The following COL4A4 variants were observed in gnomAD, a reference collection of about 807,000 sequenced individuals.
COL4A4 encodes collagen alpha-4(IV) chain.
COL4A4 carries 105 observed loss-of-function variants against 192.9 expected under a neutral mutation model. That is an observed-to-expected ratio of 0.54 (90% CI 0.46 to 0.64). The LOEUF (loss-of-function observed/expected upper bound fraction) is 0.64, where lower values mean the gene tolerates loss of function less well. Among genes scored for constraint, COL4A4 ranks in the 30% least tolerant of loss-of-function variants. The pLI, the probability that COL4A4 is intolerant of heterozygous loss-of-function variation, is 0.00. For synonymous variants in COL4A4, 762 were observed against 769.9 expected, an observed-to-expected ratio of 0.99 and a Z score of 0.17; for missense variants, 1,967 against 2,169.3, an observed-to-expected ratio of 0.91 and a Z score of 1.85.
chr2:227,131,685 C>T (rs999503147), intron 4 of COL4A4, among the ~76,000 whole-genome samples: 10 of 152,206 alleles, frequency 6.6e-5, no homozygotes, highest in East Asian at 5.8e-4. Context: ...TTGCCTTAGA[C>T]GGCAAAAGAC....
Position 227,004,650 on chromosome 2 carries a change from C to T in COL4A4, c.*2675G>A, listed in dbSNP as rs1384700245. 1 of 152,176 alleles carries T rather than the reference C, an allele frequency of 6.6e-6. No individual in the cohort carries two copies. The highest frequency in any genetic ancestry group is 1.5e-5 in the Non-Finnish European group (1 of 68,092). The allele number at this position is 152,176 out of a possible 1,614,324, so 9.4% of individuals were successfully genotyped here. A position where few individuals can be genotyped will look rare whatever the true frequency, so the allele number is the denominator to read the frequency against. On this transcript the variant is annotated 3_prime_UTR_variant, in exon 48 of 48. Coordinates refer to ENST00000396625, the MANE Select transcript of COL4A4 (RefSeq NM_000092.5). The stretch of plus-strand genomic sequence containing the variant: ...ACGGGGCTAAAGAGGAGGTAGCCAT[C>T]CAAAGCAGCGATGACTCAGCTTTCA...
intron 25 of COL4A4, among the ~76,000 whole-genome samples, chr2:227,072,070 CA>C (rs933901620): frequency 6.6e-6 from 1 of 150,706 alleles, no homozygotes; most frequent in Non-Finnish European, 1.5e-5. Context: ...AAATGCAAAC[CA>C]AAAAAATATG....
rs902315165 is a variant in COL4A4, at chr2:227,144,448, A to G, written c.114+68T>C. On this transcript the variant is annotated intron_variant, in intron 3 of 47. Transcript: ENST00000396625. ...CCCAGAGGGTGATTTCTTTGAAAGT[A>G]TAACAAAAATTATGCATTCTATAAA... 6 of 1,364,350 alleles carry G rather than the reference A, an allele frequency of 4.4e-6. No individual in the cohort carries two copies. In the South Asian group the frequency reaches 7.2e-5, roughly 16 times the overall value. 84.5% of individuals were successfully genotyped at this position (1,364,350 alleles called of 1,614,324 possible).
chr2:227,051,455 C>G (rs1974085680), intron 32 of COL4A4, among the ~76,000 whole-genome samples: 1 of 152,186 alleles, frequency 6.6e-6, no homozygotes, highest in Admixed American at 6.5e-5. Context: ...TATTTGCCCT[C>G]TAACAACTAG....
chr2:227,147,250 G>A, intron 2 of COL4A4, 163 bp downstream of exon 2: 2 of 754,446 alleles, frequency 2.7e-6, no homozygotes, highest in Non-Finnish European at 4.8e-6. Context: ...GAGGGTTGGT[G>A]TTCAATAATA....
At chr2:227,064,095 T>C (rs1419183813) in intron 25 of COL4A4, among the ~76,000 whole-genome samples, 1 of 152,182 alleles carries the variant, frequency 6.6e-6, no homozygotes, top group African/African-American at 2.4e-5. Context: ...GCTTCCATGA[T>C]TTTATGTGAC....
the COL4A4 span, among the ~76,000 whole-genome samples, chr2:226,984,131 C>T: frequency 7.2e-5 from 11 of 152,220 alleles, no homozygotes; most frequent in Non-Finnish European, 1.5e-4. Flanking sequence ...ATCTGTTCAC[C>T]GCTCTGATCA....
intron 1 of COL4A4, among the ~76,000 whole-genome samples, chr2:227,157,397 G>A (rs2064435131): frequency 6.6e-6 from 1 of 151,884 alleles, no homozygotes; most frequent in Non-Finnish European, 1.5e-5. Flanking sequence ...ACTAGGAAAA[G>A]AACAAATTAA....
intron 22 of COL4A4, 138 bp downstream of exon 22, chr2:227,088,515 C>T: frequency 8.9e-7 from 1 of 1,123,492 alleles, no homozygotes; most frequent in Middle Eastern, 2.8e-4. Context: ...GCCTCCCCAC[C>T]CATACAGAAC....
chr2:227,152,886 C>CA (rs753969962), intron 1 of COL4A4, among the ~76,000 whole-genome samples: 35 of 151,850 alleles, frequency 2.3e-4, no homozygotes, highest in South Asian at 2.1e-4. Context: ...TCACTATCAC[C>CA]AAAAAAAATT....
At chr2:227,070,377 C>T (rs1404915464) in intron 25 of COL4A4, among the ~76,000 whole-genome samples, 1 of 151,984 alleles carries the variant, frequency 6.6e-6, no homozygotes, top group Non-Finnish European at 1.5e-5. Context: ...GGGTATATAC[C>T]CAAAGGATTA....
At chr2:227,041,883 AAAGAAAG>A (rs1971453173) in intron 37 of COL4A4, among the ~76,000 whole-genome samples, 2 of 147,648 alleles carry the variant, frequency 1.4e-5, no homozygotes, top group Admixed American at 6.7e-5. Flanking sequence ...AGAAAGAAAG[AAAGAAAG>A]AAAGAAAGAA....
At chr2:227,041,864 A>AAGAAAGAGAGAGAG (rs1971406364) in intron 37 of COL4A4, among the ~76,000 whole-genome samples, 1 of 109,348 alleles carries the variant, frequency 9.1e-6, no homozygotes, top group African/African-American at 4.0e-5. Flanking sequence ...GAAAGAAAGA[A>AAGAAAGAGAGAGAG]AGAAAGAAAG....
chr2:227,085,955 C>CTTACCAACAATTGAATTGTTGGTAAGAA (rs2059581162), intron 22 of COL4A4, among the ~76,000 whole-genome samples: 3 of 152,178 alleles, frequency 2.0e-5, no homozygotes, highest in Non-Finnish European at 4.4e-5. Flanking sequence ...AAACACATGA[C>CTTACCAACAATTGAATTGTTGGTAAGAA]TCAATTGAAT....
intron 37 of COL4A4, among the ~76,000 whole-genome samples, chr2:227,034,408 G>A (rs1969110956): frequency 6.6e-6 from 1 of 152,106 alleles, no homozygotes; most frequent in Admixed American, 6.5e-5. Flanking sequence ...CCAGGGCACT[G>A]AGCCATCTGC....
chr2:227,053,753 T>TACCAGGA (rs1242398881), intron 31 of COL4A4, among the ~76,000 whole-genome samples: 2 of 152,012 alleles, frequency 1.3e-5, no homozygotes, highest in African/African-American at 4.8e-5. Context: ...TTCGCCGTGT[T>TACCAGGA]ACCAGGATGG....
intron 45 of COL4A4, among the ~76,000 whole-genome samples, 153 bp downstream of exon 45, chr2:227,012,028 C>T (rs952920655): frequency 1.3e-5 from 2 of 152,214 alleles, no homozygotes; most frequent in African/African-American, 4.8e-5. Flanking sequence ...ACTCTGTTCT[C>T]ATTGTTTCTG....
intron 12 of COL4A4, among the ~76,000 whole-genome samples, chr2:227,107,915 G>A (rs576372564): frequency 1.3e-4 from 20 of 151,850 alleles, no homozygotes; most frequent in Non-Finnish European, 2.4e-4. Flanking sequence ...GCACCACCAC[G>A]CCCAGCTAAT....
At chr2:227,112,091 T>C (rs1270956199) in intron 8 of COL4A4, among the ~76,000 whole-genome samples, 7 of 152,038 alleles carry the variant, frequency 4.6e-5, no homozygotes, top group Non-Finnish European at 8.8e-5. Context: ...TACCCTAGAG[T>C]GGACAGAAAA....
Sources: gnomAD v4.1 joint callset for allele counts (sites outside exome capture counted in the v4.1 genomes callset) on GRCh38, gnomAD v4.1.1 for gene constraint, MANE v1.5 for transcripts, NCBI Gene and HGNC (gene_info 2026-07-23, HGNC 2026-07-21) for gene names.